The following OXNAD1 variants were observed in gnomAD, a reference collection of about 807,000 sequenced individuals.
OXNAD1 encodes the protein oxidoreductase NAD-binding domain-containing protein 1.
Under a neutral mutation model 32.9 loss-of-function variants are expected in OXNAD1, and 34 were observed. The ratio of observed to expected loss-of-function variants is 1.03; its 90% CI spans 0.79 to 1.38. The LOEUF (loss-of-function observed/expected upper bound fraction) is 1.38. Among genes scored for constraint, OXNAD1 ranks in the 40% most tolerant of loss-of-function variants. OXNAD1 has a pLI of 0.00. For synonymous variants in OXNAD1, 134 were observed against 135.2 expected (o/e 0.99, Z 0.06); for missense variants, 407 against 379.4 (o/e 1.07, Z -0.60).
chr3:16,283,306 C>T (rs987991175), intron 4 of OXNAD1, among the ~76,000 whole-genome samples: 4 of 152,108 alleles, frequency 2.6e-5, no homozygotes, highest in East Asian at 1.9e-4. Context: ...TGGTGGATTT[C>T]GTTGTATGGC....
In OXNAD1 at chr3:16,301,767, G is replaced by C. The variant is rs750320506; in HGVS notation, c.574G>C (p.Ala192Pro). 6.2e-7 allele frequency: 1 copy of C among 1,614,076 alleles called. No homozygotes were observed. The change falls in exon 7 of 9, where the codon GCA becomes CCA. Residue 192 changes from alanine to proline, a missense_variant. Ala to Pro is a conservative substitution (Grantham distance 27). Coordinates refer to ENST00000285083, the MANE Select transcript of OXNAD1 (RefSeq NM_138381.5). The surrounding 1 kb of genome is among the most constrained non-coding windows in gnomAD (Gnocchi z 4.1). ...NPLLSILRHA[A>P]DLLREQANKR... is the part of the protein sequence containing the mutation. ...TCTGCTTTCCATCCTGCGGCACGCA[G>C]CAGATCTCCTCAGAGAGCAGGCAAA...
In OXNAD1 at chr3:16,288,639, A is replaced by C. The variant is rs2066230644; in HGVS notation, c.290+2191A>C. Among the ~76,000 whole-genome samples the C allele has an allele frequency of 6.6e-6, 1 of 152,198 alleles. No homozygotes were observed. Among genetic ancestry groups the C allele is most frequent in the African/African-American group, 2.4e-5 (1 of 41,444 alleles). ...TTCCTGTAGCAATAAACCAGTTCCA[A>C]GAACTGTAGCAATCCAATCCCGAGA... On this transcript the variant is annotated intron_variant, in intron 5 of 8. Coordinates refer to ENST00000285083, the MANE Select transcript of OXNAD1 (RefSeq NM_138381.5). This position sits in a 1 kb window ranked among gnomAD's most constrained non-coding sequence, Gnocchi z 5.1.
rs1384818706 is a variant in OXNAD1 at position 16,322,560 on chromosome 3, T to G, written c.*31-14552T>G. On this transcript the variant is annotated intron_variant, in intron 9 of 9. Coordinates refer to the OXNAD1 transcript ENST00000435829. The surrounding 1 kb of genome is among the most constrained non-coding windows in gnomAD (Gnocchi z 6.2). The stretch of plus-strand genomic sequence containing the variant: ...GTGATGCCTGACTCAGGCTTTGGTG[T>G]GTCCACTCGACTCACTGGCCTCTTC... Among the ~76,000 whole-genome samples, 1 of 152,176 alleles carries G rather than the reference T, an allele frequency of 6.6e-6. No homozygotes were observed. The highest frequency in any genetic ancestry group is 1.5e-5 in the Non-Finnish European group (1 of 68,036).
chr3:16,286,922 C>T (rs2066113010), intron 5 of OXNAD1, among the ~76,000 whole-genome samples: 1 of 152,124 alleles, frequency 6.6e-6, no homozygotes, highest in African/African-American at 2.4e-5. Context: ...GGCTCACTAC[C>T]CTCTTGACTG....
At chr3:16,296,055 A>T (rs1290805379) in intron 6 of OXNAD1, among the ~76,000 whole-genome samples, 2 of 149,534 alleles carry the variant, frequency 1.3e-5, no homozygotes, top group African/African-American at 4.9e-5. Context: ...GCCTGCAAAG[A>T]GGGTATGGAA....
intron 4 of OXNAD1, among the ~76,000 whole-genome samples, chr3:16,273,438 G>A (rs1011152056): frequency 6.9e-6 from 1 of 144,894 alleles, no homozygotes; most frequent in African/African-American, 2.6e-5. Flanking sequence ...AGGCTGGAGT[G>A]CAGTGGGTAC....
chr3:16,273,384 G>GTTTTTTTTT (rs34572763), intron 4 of OXNAD1, among the ~76,000 whole-genome samples: 1 of 121,030 alleles, frequency 8.3e-6, no homozygotes, highest in Non-Finnish European at 1.6e-5. Flanking sequence ...GTATTTTCTT[G>GTTTTTTTTT]TTTTTTTTTT....
rs1055874192 is a variant in OXNAD1, at chr3:16,296,184, G to A, written c.432+1187G>A. On this transcript the variant is annotated intron_variant, in intron 6 of 8. Transcript: ENST00000285083. Reference sequence around the variant, plus strand: ...ATGTTTGTAGGAACTAATATGTCCTGTAGTAGCTGAAGAGAGCTTTTATGT... The same window carrying A: ...ATGTTTGTAGGAACTAATATGTCCTATAGTAGCTGAAGAGAGCTTTTATGT... 2.6e-5 allele frequency among the ~76,000 whole-genome samples: 4 copies of A among 152,196 alleles called. No individual in the cohort carries two copies. In the South Asian group the frequency reaches 8.3e-4, roughly 32 times the overall value.
Position 16,265,613 on chromosome 3 carries a change from C to G in OXNAD1, c.-159+108C>G, listed in dbSNP as rs778449709. ...GGATTGAGTTCTAGTCTTCTGTTTG[C>G]CAGGCTTATAACATTATTAACGACG... On this transcript the variant is annotated intron_variant, in intron 1 of 8. Coordinates refer to ENST00000285083, the MANE Select transcript of OXNAD1 (RefSeq NM_138381.5). The surrounding 1 kb of genome is among the most constrained non-coding windows in gnomAD (Gnocchi z 4.8). 1.3e-5 allele frequency: 2 copies of G among 152,732 alleles called. No homozygotes were observed. The highest frequency in any genetic ancestry group is 4.8e-5 in the African/African-American group (2 of 41,442). 9.5% of individuals were successfully genotyped at this position (152,732 alleles called of 1,614,324 possible).
At position 16,303,953 on chromosome 3, in the gene OXNAD1, A is replaced by G. The variant is rs887686498; in HGVS notation, c.*391A>G. ...GCTTTAAATTATTTGACAGCCATCT[A>G]TATATCTTATGTTTAATGAAAGTAT... On this transcript the variant is annotated 3_prime_UTR_variant, in exon 9 of 9. Coordinates refer to ENST00000285083, the MANE Select transcript of OXNAD1 (RefSeq NM_138381.5). The surrounding 1 kb of genome is among the most constrained non-coding windows in gnomAD (Gnocchi z 4.8). 1 of 154,126 alleles carries G rather than the reference A, an allele frequency of 6.5e-6. No homozygotes were observed. The highest frequency in any genetic ancestry group is 1.4e-5 in the Non-Finnish European group (1 of 69,500). The allele number at this position is 154,126 out of a possible 1,614,324, so 9.5% of individuals were successfully genotyped here. A position where few individuals can be genotyped will look rare whatever the true frequency, so the allele number is the denominator to read the frequency against.
exon 10 of OXNAD1, chr3:16,349,349 G>C (rs1231404275): frequency 1.3e-5 from 2 of 152,262 alleles, no homozygotes; most frequent in Non-Finnish European, 2.9e-5. Context: ...TGGCTGTAGA[G>C]ATGGATGAGT....
In OXNAD1 at chr3:16,289,027, T is replaced by G. The variant is rs530617489; in HGVS notation, c.290+2579T>G. Among the ~76,000 whole-genome samples the G allele has an allele frequency of 6.6e-6, 1 of 152,318 alleles. No individual in the cohort carries two copies. Among genetic ancestry groups the G allele is most frequent in the South Asian group, 2.1e-4 (1 of 4,830 alleles). ...TCTACCAGCCAGCTCTGTGATGTGG[T>G]CAGTTTCCTTATTTGTCTGGGCTTC... On this transcript the variant is annotated intron_variant, in intron 5 of 8. Transcript: ENST00000285083. This position sits in a 1 kb window ranked among gnomAD's most constrained non-coding sequence, Gnocchi z 4.9.
At chr3:16,338,684 T>TA (rs368560773), downstream of OXNAD1, among the ~76,000 whole-genome samples, 27 of 152,358 alleles carry the variant, frequency 1.8e-4, no homozygotes, top group African/African-American at 6.5e-4. The surrounding 1 kb of genome is among the most constrained non-coding windows in gnomAD (Gnocchi z 5.3). Flanking sequence ...GCTACTTTAT[T>TA]ACTCTCTTTA....
chr3:16,275,176 A>G (rs1206291514), intron 4 of OXNAD1: 3 of 170,320 alleles, frequency 1.8e-5, no homozygotes, highest in Non-Finnish European at 4.0e-5. Flanking sequence ...CAGTCTACCT[A>G]TAGTTTGTTG....
At chr3:16,266,307 A>G (rs563455239) in intron 1 of OXNAD1, among the ~76,000 whole-genome samples, 3 of 152,370 alleles carry the variant, frequency 2.0e-5, no homozygotes, top group East Asian at 3.8e-4. Flanking sequence ...ACACATATAC[A>G]TAATATATCC....
downstream of OXNAD1, among the ~76,000 whole-genome samples, chr3:16,306,915 T>C (rs956981090): frequency 3.9e-5 from 6 of 152,160 alleles, no homozygotes; most frequent in African/African-American, 9.7e-5. Flanking sequence ...TCCAATATAA[T>C]GGTCTTCATC....
At position 16,322,451 on chromosome 3, in the gene OXNAD1, C is replaced by T. The variant is rs1286903430; in HGVS notation, c.*31-14661C>T. Among the ~76,000 whole-genome samples, 1 of 152,182 alleles carries T rather than the reference C, an allele frequency of 6.6e-6. No homozygotes were observed. The highest frequency in any genetic ancestry group is 1.5e-5 in the Non-Finnish European group (1 of 68,032). ...AAGCGTGAGGAATGCAGGAGTGATG[C>T]CAGGAGTGAGGAGCCGAGCAGGTCA... On this transcript the variant is annotated intron_variant, in intron 9 of 9. Transcript: ENST00000435829. This position sits in a 1 kb window ranked among gnomAD's most constrained non-coding sequence, Gnocchi z 6.2.
rs983161705 is a variant in OXNAD1, at chr3:16,305,082, C to T, written c.*1520C>T. On this transcript the variant is annotated 3_prime_UTR_variant, in exon 9 of 9. Transcript: ENST00000285083. This position sits in a 1 kb window ranked among gnomAD's most constrained non-coding sequence, Gnocchi z 4.5. The stretch of plus-strand genomic sequence containing the variant: ...GAAGCTCTGGATCACTACAAGGAGC[C>T]CTGACTTACCAGTTGGCCCCAAAGT... The T allele has an allele frequency of 3.3e-5, 5 of 152,168 alleles. No individual in the cohort carries two copies. The highest frequency in any genetic ancestry group is 5.9e-5 in the Non-Finnish European group (4 of 68,080). 9.4% of individuals were successfully genotyped at this position (152,168 alleles called of 1,614,324 possible). A position where few individuals can be genotyped will look rare whatever the true frequency, so the allele number is the denominator to read the frequency against.
intron 6 of OXNAD1, among the ~76,000 whole-genome samples, chr3:16,300,890 G>T (rs1301906047): frequency 6.6e-6 from 1 of 152,142 alleles, no homozygotes; most frequent in Non-Finnish European, 1.5e-5. Context: ...AATAAAAAAT[G>T]TCATCACAAG....
Sources: allele counts gnomAD v4.1 joint callset (sites outside exome capture counted in the v4.1 genomes callset), GRCh38; gene constraint gnomAD v4.1.1; non-coding constraint Gnocchi (gnomAD v3.1); transcripts MANE v1.5; gene names NCBI Gene and HGNC (gene_info 2026-07-23, HGNC 2026-07-21).